Variants in NAV3 observed in about 807,000 individuals in gnomAD.
NAV3 encodes the protein pore membrane and/or filament interacting like protein 1.
In NAV3, 87 loss-of-function variants were observed where a neutral mutation model predicts 244.7. That is an observed-to-expected ratio of 0.36 (90% confidence interval 0.30 to 0.42). NAV3 has a LOEUF of 0.42. Among genes scored for constraint, NAV3 ranks in the 20% least tolerant of loss-of-function variants. The pLI, the probability that NAV3 is intolerant of heterozygous loss-of-function variation, is 1.00. For synonymous variants in NAV3, 1,126 were observed against 1,042.2 expected (o/e 1.08, Z -1.55); for missense variants, 2,663 against 2,893.3 (o/e 0.92, Z 1.83).
chr12:78,128,624 C>A (rs188651040), intron 17 of NAV3, 82 bp from the exon 18 acceptor site: 12 of 1,357,678 alleles, frequency 8.8e-6, no homozygotes, highest in Non-Finnish European at 1.2e-5. Flanking sequence ...TGAATAGTAA[C>A]CTCCTCTGAA....
At chr12:77,626,927 T>C (rs1255079203) in intron 2 of NAV3, among the ~76,000 whole-genome samples, 1 of 151,888 alleles carries the variant, frequency 6.6e-6, no homozygotes, top group Admixed American at 6.6e-5. Flanking sequence ...TCAAAAGATA[T>C]CACTACATAA....
chr12:77,676,034 A>G (rs1874188647), intron 2 of NAV3, among the ~76,000 whole-genome samples: 1 of 151,502 alleles, frequency 6.6e-6, no homozygotes, highest in African/African-American at 2.4e-5. Context: ...TCATCACATC[A>G]TCCACTTCAC....
At chr12:77,763,792 C>T (rs1869608354) in intron 2 of NAV3, among the ~76,000 whole-genome samples, 1 of 152,128 alleles carries the variant, frequency 6.6e-6, no homozygotes. Flanking sequence ...TGACCTCATA[C>T]TTGGGATAAA....
At position 77,766,735 on chromosome 12, in the gene NAV3, GTTTT is replaced by G. The variant is rs748531378; in HGVS notation, c.73-173551_73-173548del. 9.6e-4 allele frequency among the ~76,000 whole-genome samples: 58 copies of G among 60,510 alleles called. 5 individuals carry two copies. The highest frequency in any genetic ancestry group is 2.2e-3 in the Admixed American group (9 of 4,124). 39.7% of individuals were successfully genotyped at this position (60,510 alleles called of 152,430 possible). On this transcript the variant is annotated intron_variant, in intron 2 of 8. Coordinates refer to the NAV3 transcript ENST00000550042. ...AGGATTCTAAAAAACAGGCAATTAA[GTTTT>G]TTTTTTTTTTTTTTTTTTTTTTTTT...
intron 2 of NAV3, among the ~76,000 whole-genome samples, chr12:77,708,685 T>C (rs1487051642): frequency 2.6e-5 from 4 of 152,186 alleles, no homozygotes; most frequent in Admixed American, 6.5e-5. Context: ...ATTCTTCCTA[T>C]CCATGAGCAT....
intron 8 of NAV3, among the ~76,000 whole-genome samples, chr12:78,009,077 G>A (rs867279325): frequency 6.6e-6 from 1 of 152,236 alleles, no homozygotes; most frequent in African/African-American, 2.4e-5. Context: ...CTTTCTATAA[G>A]TAGCAACAAG....
chr12:77,964,797 A>T (rs1394785724), intron 3 of NAV3, among the ~76,000 whole-genome samples: 1 of 149,480 alleles, frequency 6.7e-6, no homozygotes, highest in African/African-American at 2.4e-5. Context: ...GTTAATTAAT[A>T]TAAATTTTTT....
intron 2 of NAV3, among the ~76,000 whole-genome samples, chr12:77,621,325 C>G (rs1042346935): frequency 6.6e-6 from 1 of 152,140 alleles, no homozygotes; most frequent in Non-Finnish European, 1.5e-5. Context: ...GCCCTCCTAC[C>G]CATCAAAGTT....
At chr12:77,603,833 T>G (rs1486692413) in intron 2 of NAV3, among the ~76,000 whole-genome samples, 1 of 152,032 alleles carries the variant, frequency 6.6e-6, no homozygotes, top group Non-Finnish European at 1.5e-5. Flanking sequence ...AAGAAGCCGG[T>G]ACAAAGGGAG....
intron 2 of NAV3, among the ~76,000 whole-genome samples, chr12:77,663,855 AAT>A (rs1334939212): frequency 1.5e-4 from 23 of 152,208 alleles, no homozygotes; most frequent in African/African-American, 5.3e-4. Context: ...TGAGTGAGCC[AAT>A]ATATGTGTCT....
intron 2 of NAV3, among the ~76,000 whole-genome samples, chr12:77,764,105 C>A (rs1195286974): frequency 6.6e-6 from 1 of 152,206 alleles, no homozygotes; most frequent in Non-Finnish European, 1.5e-5. Flanking sequence ...TCCTTCTCAA[C>A]TTCTTTATTC....
At chr12:77,662,544 T>C (rs985150944) in intron 2 of NAV3, among the ~76,000 whole-genome samples, 2 of 152,094 alleles carry the variant, frequency 1.3e-5, no homozygotes, top group Non-Finnish European at 2.9e-5. Flanking sequence ...AAACAGACTA[T>C]ATGCTACTGG....
Position 77,881,807 on chromosome 12 carries a change from C to A in NAV3, c.243+50103C>A, listed in dbSNP as rs75140407. ...CATCCAGGCAGAGAGTCAAATCAAG[C>A]ACACAATGCCACTTACAATAGCTGT... is the stretch of plus-strand genomic sequence containing the variant. On this transcript the variant is annotated intron_variant, in intron 1 of 39. Transcript: ENST00000397909. 2.2e-3 allele frequency among the ~76,000 whole-genome samples: 338 copies of A among 152,112 alleles called. 4 individuals are homozygous for A. Among genetic ancestry groups the A allele is most frequent in the African/African-American group, 7.6e-3 (317 of 41,536 alleles).
intron 22 of NAV3, among the ~76,000 whole-genome samples, chr12:78,150,022 G>GA (rs1197989506): frequency 2.6e-5 from 4 of 152,000 alleles, no homozygotes; most frequent in Non-Finnish European, 5.9e-5. Flanking sequence ...GGAGATTCCT[G>GA]AAAATAATAG....
chr12:77,616,267 C>G (rs1037765591), intron 2 of NAV3, among the ~76,000 whole-genome samples: 1 of 151,980 alleles, frequency 6.6e-6, no homozygotes, highest in African/African-American at 2.4e-5. Flanking sequence ...ATTAGCCAGG[C>G]ATGGTGGTGG....
intron 1 of NAV3, among the ~76,000 whole-genome samples, chr12:77,922,040 T>C: frequency 6.6e-6 from 1 of 152,180 alleles, no homozygotes. Flanking sequence ...GTGGCAATTA[T>C]ATCAAAGTTC....
chr12:77,769,551 TCAAA>T (rs1249970317), intron 2 of NAV3, among the ~76,000 whole-genome samples: 1 of 152,238 alleles, frequency 6.6e-6, no homozygotes, highest in East Asian at 1.9e-4. Context: ...GTAAATAGTA[TCAAA>T]CAAAGTCATA....
chr12:78,184,056 C>T (rs1441849800), intron 30 of NAV3, among the ~76,000 whole-genome samples: 2 of 151,886 alleles, frequency 1.3e-5, no homozygotes, highest in African/African-American at 4.8e-5. Context: ...TCCAGGATGA[C>T]CTATCTATCT....
chr12:78,021,061 A>G (rs754938992), intron 8 of NAV3, among the ~76,000 whole-genome samples: 6 of 152,196 alleles, frequency 3.9e-5, no homozygotes, highest in Non-Finnish European at 8.8e-5. Flanking sequence ...GGGAAGAAAC[A>G]TGCATGAAGT....
Sources: gnomAD v4.1 joint callset for allele counts (sites outside exome capture counted in the v4.1 genomes callset) on GRCh38, gnomAD v4.1.1 for gene constraint, MANE v1.5 for transcripts, NCBI Gene and HGNC (gene_info 2026-07-23, HGNC 2026-07-21) for gene names.